Variants in DUSP28 observed in about 807,000 individuals in gnomAD.
The protein encoded by DUSP28 is dual specificity phosphatase 28.
In DUSP28, 11 loss-of-function variants were observed where a neutral mutation model predicts 8.4. That is an observed-to-expected ratio of 1.31 (90% confidence interval 0.83 to 2.17). The LOEUF is 2.17. Ranked by LOEUF, DUSP28 falls within the 30% of genes most tolerant of loss-of-function variation. The pLI is 0.00. For missense variants in DUSP28, 373 were observed against 270.4 expected, an observed-to-expected ratio of 1.38 and a Z score of -2.66; for synonymous variants, 178 against 130.9, an observed-to-expected ratio of 1.36 and a Z score of -2.46.
chr2:240,561,200 G>C, intron 1 of DUSP28, 123 bp downstream of exon 1: 1 of 1,524,762 alleles, frequency 6.6e-7, no homozygotes, highest in Non-Finnish European at 8.8e-7. Context: ...TCTCTCTCGT[G>C]AGGGCGGGCT....
At chr2:240,560,254 G>A (rs2092834158), upstream of DUSP28, 1 of 159,334 alleles carries the variant, frequency 6.3e-6, no homozygotes. Flanking sequence ...TAGCCACGGG[G>A]CCCTAGCCGA....
rs1408177782 is a variant in DUSP28 at position 240,563,287 on chromosome 2, C to T, written c.*1820C>T. The T allele has an allele frequency of 2.6e-5, 4 of 152,188 alleles. No homozygotes were observed. The highest frequency in any genetic ancestry group is 6.5e-5 in the Admixed American group (1 of 15,286). The allele number at this position is 152,188 out of a possible 1,614,324, so 9.4% of individuals were successfully genotyped here. On this transcript the variant is annotated 3_prime_UTR_variant, in exon 2 of 2. Transcript: ENST00000405954. The stretch of plus-strand genomic sequence containing the variant: ...CGCCATCTTGGCTCACTGCAAGCTC[C>T]GCCTCCCGGCTTCATGCCATTCTCG...
In DUSP28 at chr2:240,561,312, T is replaced by C; in HGVS notation, c.394-18T>C. 3 of 1,613,688 alleles carry C rather than the reference T, an allele frequency of 1.9e-6. No individual in the cohort carries two copies. Among genetic ancestry groups the C allele is most frequent in the Non-Finnish European group, 2.5e-6 (3 of 1,180,008 alleles). ...ATTAGCGCGACTTGGGGTTATTCAGTACACTTCTTGTTTGCAGATGGTGAA... is the reference window on the plus strand; with the variant it reads ...ATTAGCGCGACTTGGGGTTATTCAGCACACTTCTTGTTTGCAGATGGTGAA... On this transcript the variant is annotated intron_variant, in intron 1 of 1. Transcript: ENST00000405954.
In DUSP28 at chr2:240,560,569, T is replaced by TA; in HGVS notation, c.-115dup. The TA allele has an allele frequency of 7.6e-7, 1 of 1,310,516 alleles. No homozygotes were observed. The highest frequency in any genetic ancestry group is 9.7e-7 in the Non-Finnish European group (1 of 1,029,860). The allele number at this position is 1,310,516 out of a possible 1,614,324, so 81.2% of individuals were successfully genotyped here. A position where few individuals can be genotyped will look rare whatever the true frequency, so the allele number is the denominator to read the frequency against. On this transcript the variant is annotated 5_prime_UTR_variant, in exon 1 of 2. The change abolishes the stop of an existing upstream ORF in the 5' untranslated region. Coordinates refer to ENST00000405954, the MANE Select transcript of DUSP28 (RefSeq NM_001370465.2). ...CAGCCTGGTCCACCTCGGAGGCCTC[T>TA]AGGACCCGGGGGCGCCCGGCGGCCC... is the stretch of plus-strand genomic sequence containing the variant.
At chr2:240,561,248 CCACTCTTA>C in intron 1 of DUSP28, 74 bp from the exon 2 acceptor site, 1 of 1,600,480 alleles carries the variant, frequency 6.2e-7, no homozygotes, top group Non-Finnish European at 8.5e-7. Context: ...TGGGCGGGGC[CCACTCTTA>C]CAGCTGGGCC....
At position 240,564,493 on chromosome 2, in the gene DUSP28, G is replaced by T. The variant is rs1320663970; in HGVS notation, c.*3026G>T. Among the ~76,000 whole-genome samples, 1 of 152,242 alleles carries T rather than the reference G, an allele frequency of 6.6e-6. No homozygotes were observed. The highest frequency in any genetic ancestry group is 1.5e-5 in the Non-Finnish European group (1 of 68,044). Reference sequence around the variant, plus strand: ...CACATGGACCCCTGCACCACCATCTGCTCCGTCCTCTCCCTCTGGTCAGCT... The same window carrying T: ...CACATGGACCCCTGCACCACCATCTTCTCCGTCCTCTCCCTCTGGTCAGCT... On this transcript the variant is annotated 3_prime_UTR_variant, in exon 2 of 2. Transcript: ENST00000405954.
Position 240,564,833 on chromosome 2 carries a change from A to T in DUSP28, c.*3366A>T, listed in dbSNP as rs894415579. ...AAGCCCCTCCTGTGACAGGCAGGGG[A>T]GAAGGAGGCTGTGCTGACAGACGGC... On this transcript the variant is annotated 3_prime_UTR_variant, in exon 2 of 2. Coordinates refer to ENST00000405954, the MANE Select transcript of DUSP28 (RefSeq NM_001370465.2). Among the ~76,000 whole-genome samples the T allele has an allele frequency of 1.3e-5, 2 of 152,082 alleles. No individual in the cohort carries two copies. Among genetic ancestry groups the T allele is most frequent in the Non-Finnish European group, 2.9e-5 (2 of 68,018 alleles).
At chr2:240,561,212 A>G in intron 1 of DUSP28, 118 bp from the exon 2 acceptor site, 1 of 1,560,880 alleles carries the variant, frequency 6.4e-7, no homozygotes, top group Non-Finnish European at 8.6e-7. Context: ...GGGCGGGCTT[A>G]GGGAAGCAGA....
At position 240,560,981 on chromosome 2, in the gene DUSP28, C is replaced by T; in HGVS notation, c.297C>T (p.Cys99=). The part of the protein sequence containing the change: ...MEAAVRAGGA[C]LVYCKNGRSR... ...CCGCGGTGCGCGCCGGCGGCGCCTG[C>T]CTAGTCTACTGCAAGAACGGCCGCA... The change falls in exon 1 of 2, where the codon TGC becomes TGT. Residue 99 remains cysteine, a synonymous_variant. Transcript: ENST00000405954. 1.9e-6 allele frequency: 3 copies of T among 1,541,366 alleles called. No homozygotes were observed. Among genetic ancestry groups the T allele is most frequent in the Non-Finnish European group, 1.7e-6 (2 of 1,156,660 alleles).
rs560521658 is a variant in DUSP28 at position 240,560,865 on chromosome 2, C to T, written c.181C>T (p.Pro61Ser). The T allele has an allele frequency of 3.7e-5, 50 of 1,363,470 alleles. No homozygotes were observed. In the South Asian group the frequency reaches 7.3e-4, roughly 20 times the overall value. 84.5% of individuals were successfully genotyped at this position (1,363,470 alleles called of 1,614,324 possible). A position where few individuals can be genotyped will look rare whatever the true frequency, so the allele number is the denominator to read the frequency against. The change falls in exon 1 of 2, where the codon CCC becomes TCC. Residue 61 changes from proline to serine, a missense_variant. Pro to Ser is a moderately conservative substitution (Grantham distance 74). Coordinates refer to ENST00000405954, the MANE Select transcript of DUSP28 (RefSeq NM_001370465.2). ...CCGCCAGCAGCCCGGCCCGCGCGCGCCCGGCGTGGCAGAGCTGCGCGTGCC... is the reference window on the plus strand; with the variant it reads ...CCGCCAGCAGCCCGGCCCGCGCGCGTCCGGCGTGGCAGAGCTGCGCGTGCC... ...VSRQQPGPRA[P>S]GVAELRVPVF... is the part of the protein sequence containing the mutation.
rs980680104 is a variant in DUSP28 at position 240,562,041 on chromosome 2, T to C, written c.*574T>C. 2 of 152,350 alleles carry C rather than the reference T, an allele frequency of 1.3e-5. No individual in the cohort carries two copies. Among genetic ancestry groups the C allele is most frequent in the African/African-American group, 4.8e-5 (2 of 41,456 alleles). The allele number at this position is 152,350 out of a possible 1,614,324, so 9.4% of individuals were successfully genotyped here. On this transcript the variant is annotated 3_prime_UTR_variant, in exon 2 of 2. Coordinates refer to ENST00000405954, the MANE Select transcript of DUSP28 (RefSeq NM_001370465.2). ...CTGCAATACAGCTGGAGCTGTCCCA[T>C]AGGAGTTCGGACAATTACGGACATC...
Position 240,563,002 on chromosome 2 carries a change from T to G in DUSP28, c.*1535T>G, listed in dbSNP as rs887715052. 1 of 153,616 alleles carries G rather than the reference T, an allele frequency of 6.5e-6. No individual in the cohort carries two copies. Among genetic ancestry groups the G allele is most frequent in the Admixed American group, 6.5e-5 (1 of 15,284 alleles). 9.5% of individuals were successfully genotyped at this position (153,616 alleles called of 1,614,324 possible). ...CTGTGAGCTGGAATCCTCTTTCAGG[T>G]ACCAAATGTCACCATACTTTTTATT... On this transcript the variant is annotated 3_prime_UTR_variant, in exon 2 of 2. Coordinates refer to ENST00000405954, the MANE Select transcript of DUSP28 (RefSeq NM_001370465.2).
At chr2:240,561,269 C>G in intron 1 of DUSP28, 61 bp from the exon 2 acceptor site, 1 of 1,610,720 alleles carries the variant, frequency 6.2e-7, no homozygotes, top group Non-Finnish European at 8.5e-7. Context: ...GCTGGGCCCG[C>G]CTTGGCCCCT....
Position 240,561,643 on chromosome 2 carries a change from CAAAA to C in DUSP28, c.*178_*181del, listed in dbSNP as rs2125436933. 3 of 873,432 alleles carry C rather than the reference CAAAA, an allele frequency of 3.4e-6. No individual in the cohort carries two copies. Among genetic ancestry groups the C allele is most frequent in the Non-Finnish European group, 4.9e-6 (3 of 611,818 alleles). The allele number at this position is 873,432 out of a possible 1,614,324, so 54.1% of individuals were successfully genotyped here. ...TGATGCACAAATTATCTTACAGACA[CAAAA>C]AGAAATACATTTGGTAAAACATCGA... On this transcript the variant is annotated 3_prime_UTR_variant, in exon 2 of 2. Transcript: ENST00000405954.
chr2:240,561,520 G>T lies in DUSP28; in HGVS notation c.*53G>T. 1 of 1,562,884 alleles carries T rather than the reference G, an allele frequency of 6.4e-7. No homozygotes were observed. The highest frequency in any genetic ancestry group is 2.3e-5 in the East Asian group (1 of 43,904). ...GGATGTCCCTGCACTGATACAGAAG[G>T]CTGGTCTTTACCCTTCTTCCTCACT... On this transcript the variant is annotated 3_prime_UTR_variant, in exon 2 of 2. Coordinates refer to ENST00000405954, the MANE Select transcript of DUSP28 (RefSeq NM_001370465.2).
rs2092983140 is a variant in DUSP28, at chr2:240,562,565, C to T, written c.*1098C>T. 6.6e-6 allele frequency: 1 copy of T among 152,138 alleles called. No individual in the cohort carries two copies. Among genetic ancestry groups the T allele is most frequent in the African/African-American group, 2.4e-5 (1 of 41,416 alleles). 9.4% of individuals were successfully genotyped at this position (152,138 alleles called of 1,614,324 possible). ...GAAGCCTGGTAGATTATAATATTTCCAGGGATAACAGTGTGGCACACAGAT... is the reference window on the plus strand; with the variant it reads ...GAAGCCTGGTAGATTATAATATTTCTAGGGATAACAGTGTGGCACACAGAT... On this transcript the variant is annotated 3_prime_UTR_variant, in exon 2 of 2. Coordinates refer to ENST00000405954, the MANE Select transcript of DUSP28 (RefSeq NM_001370465.2).
In DUSP28 at chr2:240,561,659, T is replaced by C. The variant is rs2092962564; in HGVS notation, c.*192T>C. On this transcript the variant is annotated 3_prime_UTR_variant, in exon 2 of 2. Transcript: ENST00000405954. ...TTACAGACACAAAAAGAAATACATT[T>C]GGTAAAACATCGAAGACAAATTAAG... The C allele has an allele frequency of 1.2e-6, 1 of 803,758 alleles. No homozygotes were observed. 49.8% of individuals were successfully genotyped at this position (803,758 alleles called of 1,614,324 possible).
chr2:240,564,474 G>C lies in DUSP28; in HGVS notation c.*3007G>C, dbSNP rs1452179023. On this transcript the variant is annotated 3_prime_UTR_variant, in exon 2 of 2. Transcript: ENST00000405954. ...AAGGGTCTGCGCATCAGACCACATG[G>C]ACCCCTGCACCACCATCTGCTCCGT... is the stretch of plus-strand genomic sequence containing the variant. Among the ~76,000 whole-genome samples the C allele has an allele frequency of 2.6e-5, 4 of 152,212 alleles. No homozygotes were observed. Among genetic ancestry groups the C allele is most frequent in the Non-Finnish European group, 4.4e-5 (3 of 68,032 alleles).
At position 240,560,725 on chromosome 2, in the gene DUSP28, C is replaced by G; in HGVS notation, c.41C>G (p.Pro14Arg). The G allele has an allele frequency of 6.6e-7, 1 of 1,524,850 alleles. No individual in the cohort carries two copies. The highest frequency in any genetic ancestry group is 8.7e-7 in the Non-Finnish European group (1 of 1,148,202). 94.5% of individuals were successfully genotyped at this position (1,524,850 alleles called of 1,614,324 possible). A position where few individuals can be genotyped will look rare whatever the true frequency, so the allele number is the denominator to read the frequency against. Residue 14 changes from proline to arginine, a missense_variant, in exon 1 of 2, where the codon CCC becomes CGC. Transcript: ENST00000405954. Reference protein sequence around the residue: ...AEAGRRGAASPVPPPLVRVAP... With the variant: ...AEAGRRGAASRVPPPLVRVAP... ...GCTGGGCGCCGCGGGGCCGCCTCGC[C>G]CGTACCTCCACCGTTGGTGCGCGTC...
Sources: allele counts gnomAD v4.1 joint callset (sites outside exome capture counted in the v4.1 genomes callset), GRCh38; gene constraint gnomAD v4.1.1; transcripts MANE v1.5; gene names NCBI Gene and HGNC (gene_info 2026-07-23, HGNC 2026-07-21).